TTPA: variants seen among roughly 807,000 people sequenced by gnomAD.
TTPA encodes alpha-tocopherol transfer protein.
In TTPA, 23 loss-of-function variants were observed where a neutral mutation model predicts 25.9. The ratio of observed to expected loss-of-function variants is 0.89; its 90% CI spans 0.64 to 1.26. The LOEUF (loss-of-function observed/expected upper bound fraction) is 1.26. TTPA is among the 50% of genes most tolerant of loss of function. The pLI is 0.00. For missense variants in TTPA, 337 were observed against 353.1 expected (o/e 0.95, Z 0.37); for synonymous variants, 148 against 137.3 (o/e 1.08, Z -0.54).
At chr8:63,074,323 G>A (rs1805529144) in intron 1 of TTPA, among the ~76,000 whole-genome samples, 1 of 152,056 alleles carries the variant, frequency 6.6e-6, no homozygotes, top group African/African-American at 2.4e-5. Context: ...TACACGAGAG[G>A]GAGGACAGTG....
intron 1 of TTPA, among the ~76,000 whole-genome samples, chr8:63,080,660 G>C (rs1351464209): frequency 1.3e-5 from 2 of 150,822 alleles, no homozygotes; most frequent in East Asian, 3.9e-4. Context: ...GGCAGAGCTT[G>C]CAGTGAGCCG....
chr8:63,069,248 A>C (rs2129754028), intron 2 of TTPA, among the ~76,000 whole-genome samples: 1 of 152,276 alleles, frequency 6.6e-6, no homozygotes, highest in African/African-American at 2.4e-5. Flanking sequence ...CCAGATCAAA[A>C]ATACTATACT....
At chr8:63,083,724 T>G (rs1268245508) in intron 1 of TTPA, among the ~76,000 whole-genome samples, 1 of 151,962 alleles carries the variant, frequency 6.6e-6, no homozygotes, top group Non-Finnish European at 1.5e-5. Context: ...AAAAGATTAT[T>G]AATCACACTT....
intron 1 of TTPA, among the ~76,000 whole-genome samples, chr8:63,083,407 G>A (rs1219023269): frequency 6.6e-6 from 1 of 152,136 alleles, no homozygotes; most frequent in Non-Finnish European, 1.5e-5. Context: ...AACACTGCAT[G>A]TTCTCACTCA....
At chr8:63,081,287 T>C (rs1805660111) in intron 1 of TTPA, among the ~76,000 whole-genome samples, 1 of 152,110 alleles carries the variant, frequency 6.6e-6, no homozygotes, top group Non-Finnish European at 1.5e-5. Flanking sequence ...AAAAAGCTTA[T>C]CCACCAAGAT....
At chr8:63,080,444 G>A (rs1314525122) in intron 1 of TTPA, among the ~76,000 whole-genome samples, 6 of 151,938 alleles carry the variant, frequency 3.9e-5, no homozygotes, top group Non-Finnish European at 5.9e-5. Flanking sequence ...AAAGAAGGCC[G>A]GGCATGGTGG....
chr8:63,060,623 G>C lies in TTPA; in HGVS notation c.*629C>G, dbSNP rs1333739148. 6.6e-6 allele frequency: 1 copy of C among 152,228 alleles called. No homozygotes were observed. Among genetic ancestry groups the C allele is most frequent in the African/African-American group, 2.4e-5 (1 of 41,238 alleles). The allele number at this position is 152,228 out of a possible 1,614,324, so 9.4% of individuals were successfully genotyped here. A position where few individuals can be genotyped will look rare whatever the true frequency, so the allele number is the denominator to read the frequency against. On this transcript the variant is annotated 3_prime_UTR_variant, in exon 5 of 5. Coordinates refer to ENST00000260116, the MANE Select transcript of TTPA (RefSeq NM_000370.3). The stretch of plus-strand genomic sequence containing the variant: ...ATCCTAGCAGAGGTTGCAGTGAGCT[G>C]AGATCTCACTACTGCACTCTAGCCT...
chr8:63,078,015 G>C (rs922891893), intron 1 of TTPA, among the ~76,000 whole-genome samples: 1 of 152,200 alleles, frequency 6.6e-6, no homozygotes, highest in Admixed American at 6.5e-5. Context: ...CTGTTCTGCA[G>C]CCTTCGCTGG....
At chr8:63,079,396 T>C (rs1805623279) in intron 1 of TTPA, among the ~76,000 whole-genome samples, 1 of 151,946 alleles carries the variant, frequency 6.6e-6, no homozygotes, top group Admixed American at 6.6e-5. Context: ...GCAAATTGAA[T>C]AAAGAGTCAA....
chr8:63,071,475 G>A (rs1368753710), intron 2 of TTPA, among the ~76,000 whole-genome samples: 2 of 152,092 alleles, frequency 1.3e-5, no homozygotes, highest in Non-Finnish European at 2.9e-5. Flanking sequence ...TCCTTCAACT[G>A]GGCCATGAGA....
At chr8:63,084,031 C>T (rs1272244802) in intron 1 of TTPA, among the ~76,000 whole-genome samples, 8 of 151,838 alleles carry the variant, frequency 5.3e-5, no homozygotes, top group Non-Finnish European at 8.8e-5. Flanking sequence ...ATTACATGCA[C>T]GTGCCACCAC....
chr8:63,079,671 A>C (rs1240093958), intron 1 of TTPA, among the ~76,000 whole-genome samples: 1 of 152,198 alleles, frequency 6.6e-6, no homozygotes, highest in Admixed American at 6.5e-5. Context: ...TTCTTAAAGC[A>C]AGTCCTTAGA....
intron 2 of TTPA, among the ~76,000 whole-genome samples, chr8:63,072,414 C>G (rs1339085826): frequency 2.0e-5 from 3 of 152,152 alleles, no homozygotes; most frequent in African/African-American, 7.2e-5. Context: ...AGGTATGCAC[C>G]ACCACACCCA....
intron 1 of TTPA, among the ~76,000 whole-genome samples, chr8:63,083,565 A>T (rs1267079195): frequency 2.0e-5 from 3 of 152,020 alleles, no homozygotes; most frequent in Non-Finnish European, 4.4e-5. Flanking sequence ...CAGCAAACCA[A>T]CATGGCACAT....
At chr8:63,080,213 A>G (rs983721584) in intron 1 of TTPA, among the ~76,000 whole-genome samples, 2 of 152,238 alleles carry the variant, frequency 1.3e-5, no homozygotes, top group African/African-American at 4.8e-5. Context: ...CCACAAGAGA[A>G]AGCAGGAAGG....
At chr8:63,069,072 T>C (rs1033738744) in intron 2 of TTPA, among the ~76,000 whole-genome samples, 3 of 152,042 alleles carry the variant, frequency 2.0e-5, no homozygotes, top group Non-Finnish European at 4.4e-5. Context: ...GGAGAATCGC[T>C]TGAACTCGGG....
intron 2 of TTPA, among the ~76,000 whole-genome samples, chr8:63,067,540 C>CA (rs770012587): frequency 0.099 from 9,242 of 93,542 alleles, 847 homozygotes; most frequent in African/African-American, 0.27. Flanking sequence ...AGTAAATTTT[C>CA]AAAAAAAAAA....
chr8:63,084,302 C>T (rs1805712933), intron 1 of TTPA, among the ~76,000 whole-genome samples: 2 of 152,280 alleles, frequency 1.3e-5, no homozygotes, highest in South Asian at 2.1e-4. Context: ...ATTTATATTC[C>T]TATTTATGCA....
chr8:63,066,188 A>T, intron 2 of TTPA, 91 bp from the exon 3 acceptor site: 2 of 1,280,662 alleles, frequency 1.6e-6, no homozygotes, highest in Non-Finnish European at 2.2e-6. Flanking sequence ...TTCTTAAAAG[A>T]TCAGTTGAAA....
Sources: gnomAD v4.1 joint callset for allele counts (sites outside exome capture counted in the v4.1 genomes callset) on GRCh38, gnomAD v4.1.1 for gene constraint, MANE v1.5 for transcripts, NCBI Gene and HGNC (gene_info 2026-07-23, HGNC 2026-07-21) for gene names.